Variants in NCOR1 observed in about 807,000 individuals in gnomAD.
NCOR1 encodes the protein protein phosphatase 1, regulatory subunit 109.
A neutral mutation model predicts 288.1 loss-of-function variants in NCOR1; 63 were observed. That is an observed-to-expected ratio of 0.22 (90% confidence interval 0.18 to 0.27). NCOR1 has a LOEUF of 0.27. Among genes scored for constraint, NCOR1 ranks in the 10% least tolerant of loss-of-function variants. The pLI, the probability that NCOR1 is intolerant of heterozygous loss-of-function variation, is 1.00. For missense variants in NCOR1, 2,397 were observed against 3,019.2 expected (o/e 0.79, Z 4.83); for synonymous variants, 1,007 against 1,065.9 (o/e 0.94, Z 1.08).
chr17:16,132,315 TG>T (rs2075771245), intron 14 of NCOR1, among the ~76,000 whole-genome samples: 1 of 152,310 alleles, frequency 6.6e-6, no homozygotes, highest in African/African-American at 2.4e-5. Context: ...ACCTGCACAG[TG>T]ACAGACTTAC....
chr17:16,089,124 G>GT (rs61185663), intron 22 of NCOR1, among the ~76,000 whole-genome samples: 1,447 of 138,982 alleles, frequency 0.01, 22 homozygotes, highest in African/African-American at 0.033. Context: ...CATAGTAGTG[G>GT]TTTTTTTTTT....
intron 14 of NCOR1, among the ~76,000 whole-genome samples, chr17:16,127,693 A>G (rs940403916): frequency 7.1e-6 from 1 of 141,306 alleles, no homozygotes; most frequent in African/African-American, 2.6e-5. Context: ...GTATATATAC[A>G]TATATGTATA....
chr17:16,032,198 A>C lies in NCOR1; in HGVS notation c.*98T>G, dbSNP rs1972138822. On this transcript the variant is annotated 3_prime_UTR_variant, in exon 46 of 46. Transcript: ENST00000268712. ...GCTCTCCTGAAAAGTCTCAGGGAAT[A>C]AGTCACAGGAGGGCAGGTTTTTGAC... 2 of 1,220,634 alleles carry C rather than the reference A, an allele frequency of 1.6e-6. No homozygotes were observed. The highest frequency in any genetic ancestry group is 2.2e-6 in the Non-Finnish European group (2 of 902,718). The allele number at this position is 1,220,634 out of a possible 1,614,324, so 75.6% of individuals were successfully genotyped here. A position where few individuals can be genotyped will look rare whatever the true frequency, so the allele number is the denominator to read the frequency against.
At chr17:16,065,463 T>C in intron 33 of NCOR1, 22 bp downstream of exon 33, 1 of 1,611,250 alleles carries the variant, frequency 6.2e-7, no homozygotes, top group Non-Finnish European at 8.5e-7. Context: ...TTCTACGAAA[T>C]CTGAAATGCA....
At chr17:16,196,423 A>C (rs2089805479) in intron 1 of NCOR1, among the ~76,000 whole-genome samples, 1 of 152,190 alleles carries the variant, frequency 6.6e-6, no homozygotes, top group South Asian at 2.1e-4. Flanking sequence ...TAATCCCAGC[A>C]CTTTGGGAAG....
chr17:16,170,129 G>GTGTGTA (rs989370253), intron 4 of NCOR1, among the ~76,000 whole-genome samples: 3 of 151,992 alleles, frequency 2.0e-5, no homozygotes, highest in African/African-American at 7.3e-5. Context: ...GTGTGTGTGT[G>GTGTGTA]TGTGTGTGTA....
At chr17:16,079,001 T>G (rs756175312) in intron 26 of NCOR1, among the ~76,000 whole-genome samples, 1 of 152,174 alleles carries the variant, frequency 6.6e-6, no homozygotes, top group Non-Finnish European at 1.5e-5. Flanking sequence ...AAAATGGGGA[T>G]TTTAATTCAC....
chr17:16,168,408 G>C (rs963328190), intron 4 of NCOR1, among the ~76,000 whole-genome samples: 2 of 151,584 alleles, frequency 1.3e-5, no homozygotes, highest in African/African-American at 4.8e-5. Context: ...ACCATGCTGG[G>C]CAGGTTGGTC....
intron 44 of NCOR1, among the ~76,000 whole-genome samples, chr17:16,039,059 G>A (rs1478667824): frequency 6.6e-6 from 1 of 152,138 alleles, no homozygotes; most frequent in Non-Finnish European, 1.5e-5. Flanking sequence ...GTGAACCACC[G>A]CACCCGGCTG....
rs74453660 is a variant in NCOR1, at chr17:16,165,149, C to T, written c.448G>A (p.Gly150Arg). ...SADAKKDPAF[G>R]GKHEAPSSPI... Reference sequence around the variant, plus strand: ...GAGGATGGAGCTTCATGTTTGCCTCCGAATGCTGGATCCTTTAGAGAATAA... The same window carrying T: ...GAGGATGGAGCTTCATGTTTGCCTCTGAATGCTGGATCCTTTAGAGAATAA... The change falls in exon 5 of 46, where the codon GGA (glycine) becomes AGA (arginine). Residue 150 changes from glycine (G) to arginine (R), a missense_variant. By Grantham distance (125) the Gly-to-Arg change is moderately radical. This residue lies in a region of NCOR1 where 110 missense variants were observed against 123.2 expected (regional missense o/e 0.89). Transcript: ENST00000268712. The T allele has an allele frequency of 1.1e-5, 17 of 1,595,000 alleles. No homozygotes were observed. In the African/African-American group the frequency reaches 1.1e-4, roughly 10 times the overall value.
intron 10 of NCOR1, among the ~76,000 whole-genome samples, chr17:16,144,772 C>T (rs2077626229): frequency 6.6e-6 from 1 of 151,112 alleles, no homozygotes; most frequent in South Asian, 2.1e-4. Flanking sequence ...TCTCCCTCTC[C>T]CTCTCCTCCC....
intron 14 of NCOR1, among the ~76,000 whole-genome samples, chr17:16,127,578 C>T (rs1383943897): frequency 1.5e-5 from 2 of 132,854 alleles, no homozygotes; most frequent in African/African-American, 2.9e-5. Context: ...TGTATATATA[C>T]ATATGTGTAT....
In NCOR1 at chr17:16,033,431, A is replaced by T. The variant is rs373127332; in HGVS notation, c.7136-948T>A. On this transcript the variant is annotated intron_variant, in intron 45 of 45. Transcript: ENST00000268712. Reference sequence around the variant, plus strand: ...GGCCTAATTAATTCTTCCCTAAGAGATCTGAGAAGCAGCAACCACTGGTCT... The same window carrying T: ...GGCCTAATTAATTCTTCCCTAAGAGTTCTGAGAAGCAGCAACCACTGGTCT... 5.3e-5 allele frequency among the ~76,000 whole-genome samples: 8 copies of T among 152,198 alleles called. No homozygotes were observed. In the East Asian group the frequency reaches 1.5e-3, roughly 29 times the overall value.
chr17:16,194,363 A>T, intron 2 of NCOR1, 99 bp downstream of exon 2: 1 of 656,118 alleles, frequency 1.5e-6, no homozygotes, highest in Non-Finnish European at 2.4e-6. Flanking sequence ...AAAAAAAAAA[A>T]GATAAATTTG....
At chr17:16,211,323 T>G (rs1180407376) in intron 1 of NCOR1, among the ~76,000 whole-genome samples, 1 of 151,978 alleles carries the variant, frequency 6.6e-6, no homozygotes, top group East Asian at 1.9e-4. Context: ...TGCACTGGCA[T>G]GATCATGGCT....
intron 14 of NCOR1, 105 bp downstream of exon 14, chr17:16,137,206 C>G (rs2076563421): frequency 1.7e-6 from 1 of 577,672 alleles, no homozygotes. Flanking sequence ...ACAGAAACAT[C>G]AATGTTTAAA....
intron 18 of NCOR1, among the ~76,000 whole-genome samples, chr17:16,114,549 T>A (rs2071147887): frequency 6.6e-6 from 1 of 152,146 alleles, no homozygotes; most frequent in Admixed American, 6.5e-5. Flanking sequence ...GTTAGTTACT[T>A]CCTAGATACA....
chr17:16,153,035 C>G (rs909881725), intron 7 of NCOR1, among the ~76,000 whole-genome samples: 1 of 152,042 alleles, frequency 6.6e-6, no homozygotes. Flanking sequence ...GGAGTATTAA[C>G]CATTGTCACT....
intron 1 of NCOR1, among the ~76,000 whole-genome samples, chr17:16,203,389 G>A (rs1051977969): frequency 5.9e-5 from 9 of 152,074 alleles, no homozygotes; most frequent in Non-Finnish European, 1.0e-4. Flanking sequence ...TCTCTGCCAG[G>A]TCCTTCCTAA....
Sources: allele counts gnomAD v4.1 joint callset (sites outside exome capture counted in the v4.1 genomes callset), GRCh38; gene constraint gnomAD v4.1.1; regional missense constraint gnomAD v4.1.1; transcripts MANE v1.5; gene names NCBI Gene and HGNC (gene_info 2026-07-23, HGNC 2026-07-21).